Variants in MAGI2 observed in about 807,000 individuals in gnomAD.
MAGI2 encodes the protein membrane associated guanylate kinase, WW and PDZ domain containing 2.
In MAGI2, 35 loss-of-function variants were observed where a neutral mutation model predicts 133.3. The observed-to-expected ratio is 0.26, with a 90% confidence interval of 0.20 to 0.35. The LOEUF (loss-of-function observed/expected upper bound fraction) is 0.35, where lower values mean the gene tolerates loss of function less well. Ranked by LOEUF, MAGI2 falls within the 10% of genes least tolerant of loss-of-function variation. The pLI is 1.00. For missense variants in MAGI2, 1,636 were observed against 1,863.4 expected (o/e 0.88, Z 2.25); for synonymous variants, 729 against 710.6 (o/e 1.03, Z -0.41).
At chr7:78,064,328 TTGTGTGTGTGTGTGTGTG>T (rs3840609) in intron 21 of MAGI2, among the ~76,000 whole-genome samples, 2 of 148,494 alleles carry the variant, frequency 1.3e-5, no homozygotes, top group African/African-American at 4.9e-5. Context: ...TGTGATGGTT[TTGTGTGTGTGTGTGTGTG>T]TGTGTGTGTG....
chr7:78,206,299 T>C (rs1829729574), intron 10 of MAGI2, among the ~76,000 whole-genome samples: 3 of 151,036 alleles, frequency 2.0e-5, no homozygotes, highest in Non-Finnish European at 4.4e-5. Context: ...CCTTTCTTTT[T>C]TTTTTTTTTT....
At chr7:78,470,324 C>T (rs1791066799) in intron 6 of MAGI2, among the ~76,000 whole-genome samples, 1 of 152,020 alleles carries the variant, frequency 6.6e-6, no homozygotes, top group Non-Finnish European at 1.5e-5. Context: ...ACAATGGAAA[C>T]TATGTTTAAC....
chr7:78,633,657 G>T (rs111598544), intron 2 of MAGI2, among the ~76,000 whole-genome samples: 6,526 of 139,884 alleles, frequency 0.047, 195 homozygotes, highest in East Asian at 0.081. Flanking sequence ...AGTGAGCAGA[G>T]ATCGCGCCAC....
intron 1 of MAGI2, among the ~76,000 whole-genome samples, chr7:79,395,475 C>A (rs549379290): frequency 1.3e-5 from 2 of 152,232 alleles, no homozygotes; most frequent in African/African-American, 2.4e-5. Flanking sequence ...GGAACAGAAG[C>A]AAATTCTTAT....
intron 2 of MAGI2, among the ~76,000 whole-genome samples, chr7:78,658,828 C>T (rs189550686): frequency 2.0e-5 from 3 of 152,230 alleles, no homozygotes; most frequent in Admixed American, 1.3e-4. Context: ...TTGTGGAGAA[C>T]CTGGATCACT....
At chr7:78,884,001 A>G (rs1796079453) in intron 2 of MAGI2, among the ~76,000 whole-genome samples, 1 of 152,218 alleles carries the variant, frequency 6.6e-6, no homozygotes. Context: ...AAAAATTGAC[A>G]AGTGCGACCT....
intron 1 of MAGI2, among the ~76,000 whole-genome samples, chr7:79,087,934 C>T (rs1239418301): frequency 6.6e-6 from 1 of 152,048 alleles, no homozygotes; most frequent in Non-Finnish European, 1.5e-5. Context: ...TAGCGTGATG[C>T]CTCCAGCTTT....
chr7:78,823,478 G>A (rs1487743097), intron 2 of MAGI2, among the ~76,000 whole-genome samples: 2 of 151,770 alleles, frequency 1.3e-5, no homozygotes, highest in Admixed American at 1.3e-4. Context: ...AGCTACTGGG[G>A]AGGCTGAGGC....
In MAGI2 at chr7:78,815,224, G is replaced by T. The variant is rs565944734; in HGVS notation, c.419-187985C>A. Among the ~76,000 whole-genome samples the T allele has an allele frequency of 2.0e-5, 3 of 152,244 alleles. No homozygotes were observed. In the South Asian group the frequency reaches 6.2e-4, roughly 32 times the overall value. ...TCATCTGCATATATATCACTCAGGGGTAGTTTTAATGCAGCAAGGGTAGTC... is the reference window on the plus strand; with the variant it reads ...TCATCTGCATATATATCACTCAGGGTTAGTTTTAATGCAGCAAGGGTAGTC... On this transcript the variant is annotated intron_variant, in intron 2 of 21. Coordinates refer to ENST00000354212, the MANE Select transcript of MAGI2 (RefSeq NM_012301.4).
chr7:78,384,035 C>G (rs1795162899), intron 6 of MAGI2, among the ~76,000 whole-genome samples: 1 of 151,282 alleles, frequency 6.6e-6, no homozygotes, highest in Non-Finnish European at 1.5e-5. Context: ...AGTGATGACC[C>G]CAGCTTTGTT....
intron 1 of MAGI2, among the ~76,000 whole-genome samples, chr7:79,058,534 C>T (rs1813384100): frequency 6.6e-6 from 1 of 152,000 alleles, no homozygotes; most frequent in African/African-American, 2.4e-5. Flanking sequence ...ACCCTCATGC[C>T]CACACGTAGT....
At chr7:78,513,101 A>G (rs1316281964) in intron 4 of MAGI2, among the ~76,000 whole-genome samples, 1 of 152,202 alleles carries the variant, frequency 6.6e-6, no homozygotes, top group African/African-American at 2.4e-5. Context: ...TGCACATACA[A>G]CATTTCTTAG....
intron 1 of MAGI2, among the ~76,000 whole-genome samples, chr7:79,118,166 TC>T (rs1819569154): frequency 6.6e-6 from 1 of 152,208 alleles, no homozygotes; most frequent in Admixed American, 6.5e-5. Flanking sequence ...TGTTCTCACT[TC>T]CTTGGGCTAC....
intron 9 of MAGI2, among the ~76,000 whole-genome samples, chr7:78,324,817 C>G (rs1020709933): frequency 6.6e-6 from 1 of 151,956 alleles, no homozygotes; most frequent in Non-Finnish European, 1.5e-5. Context: ...CAACAAAAAA[C>G]TAGCTGGGCA....
At chr7:78,091,252 CAG>C (rs1817178856) in intron 20 of MAGI2, among the ~76,000 whole-genome samples, 1 of 151,986 alleles carries the variant, frequency 6.6e-6, no homozygotes, top group African/African-American at 2.4e-5. Context: ...TGTAGGGAGG[CAG>C]AGTCTTTGGG....
At chr7:79,342,354 A>G (rs1840965386) in intron 1 of MAGI2, among the ~76,000 whole-genome samples, 1 of 152,226 alleles carries the variant, frequency 6.6e-6, no homozygotes, top group Non-Finnish European at 1.5e-5. Context: ...CCTCAGTAAA[A>G]GAAATGTCCA....
chr7:78,079,478 A>AT (rs1815724002), intron 20 of MAGI2, among the ~76,000 whole-genome samples: 1 of 152,184 alleles, frequency 6.6e-6, no homozygotes, highest in African/African-American at 2.4e-5. Flanking sequence ...CATTGATTCT[A>AT]TTGCCAACTG....
At chr7:79,009,791 G>C (rs1389812271) in intron 1 of MAGI2, among the ~76,000 whole-genome samples, 1 of 152,074 alleles carries the variant, frequency 6.6e-6, no homozygotes, top group Non-Finnish European at 1.5e-5. Flanking sequence ...GCCATATTCT[G>C]ACCATGAAGT....
chr7:79,206,547 T>C lies in MAGI2; in HGVS notation c.302-199341A>G, dbSNP rs532990222. The stretch of plus-strand genomic sequence containing the variant: ...TAAATAGAAACTCTTAACAGATCAA[T>C]AATGAGTAAGGATATTAAATGACTA... On this transcript the variant is annotated intron_variant, in intron 1 of 21. Coordinates refer to ENST00000354212, the MANE Select transcript of MAGI2 (RefSeq NM_012301.4). 5.3e-5 allele frequency among the ~76,000 whole-genome samples: 8 copies of C among 151,870 alleles called. No individual in the cohort carries two copies. In the South Asian group the frequency reaches 1.5e-3, roughly 28 times the overall value.
Sources: gnomAD v4.1 joint callset for allele counts (sites outside exome capture counted in the v4.1 genomes callset) on GRCh38, gnomAD v4.1.1 for gene constraint, MANE v1.5 for transcripts, NCBI Gene and HGNC (gene_info 2026-07-23, HGNC 2026-07-21) for gene names.